The following ZNF624 variants were observed in gnomAD, a reference collection of about 807,000 sequenced individuals.
ZNF624 encodes the protein zinc finger protein 624.
A neutral mutation model predicts 74.7 loss-of-function variants in ZNF624; 43 were observed. The observed-to-expected ratio is 0.58, with a 90% CI of 0.45 to 0.74. ZNF624 has a LOEUF of 0.74. ZNF624 is among the 30% of genes least tolerant of loss of function. ZNF624 has a pLI of 0.00. For missense variants in ZNF624, 820 were observed against 1,030.0 expected, an observed-to-expected ratio of 0.80 and a Z score of 2.79; for synonymous variants, 331 against 341.3, an observed-to-expected ratio of 0.97 and a Z score of 0.33.
the ZNF624 span, among the ~76,000 whole-genome samples, chr17:16,615,252 C>A: frequency 6.6e-6 from 1 of 152,162 alleles, no homozygotes; most frequent in African/African-American, 2.4e-5. Context: ...CGCCCACCAC[C>A]ACGCCCGGCT....
At chr17:16,615,255 G>A in the ZNF624 span, among the ~76,000 whole-genome samples, 1 of 152,054 alleles carries the variant, frequency 6.6e-6, no homozygotes, top group African/African-American at 2.4e-5. Context: ...CCACCACCAC[G>A]CCCGGCTAAT....
In ZNF624 at chr17:16,626,662, G is replaced by A. The variant is rs1597491671; in HGVS notation, c.377-2153C>T. 2.0e-5 allele frequency among the ~76,000 whole-genome samples: 3 copies of A among 152,156 alleles called. No homozygotes were observed. The East Asian group carries it at 5.8e-4, about 29-fold the overall frequency. ...AAATACTTGGAAGGCTGAAGCTGGAGGATCCCCTGAGCCCAGGAAGTTGAG... is the reference window on the plus strand; with the variant it reads ...AAATACTTGGAAGGCTGAAGCTGGAAGATCCCCTGAGCCCAGGAAGTTGAG... On this transcript the variant is annotated intron_variant, in intron 5 of 5. Transcript: ENST00000311331.
chr17:16,647,102 T>C (rs1443173080), intron 3 of ZNF624, among the ~76,000 whole-genome samples: 3 of 152,180 alleles, frequency 2.0e-5, no homozygotes, highest in Non-Finnish European at 2.9e-5. Flanking sequence ...GACTACGTAA[T>C]GATAGGATAT....
rs1409283421 is a variant in ZNF624, at chr17:16,623,139, G to A, written c.1747C>T (p.Pro583Ser). ...TCCCCACATTCATTGCACAGATAAG[G>A]TTTCTCTTCAGTATGAATACGCTGA... ...IHQRIHTEEK[P>S]YLCNECGESF... is the part of the protein sequence containing the mutation. Residue 583 changes from proline to serine, a missense_variant, in exon 6 of 6, where the codon CCT becomes TCT. Pro to Ser is a moderately conservative substitution (Grantham distance 74, BLOSUM62 -1). Transcript: ENST00000311331. The surrounding 1 kb of genome is among the most constrained non-coding windows in gnomAD (Gnocchi z 5.3). The A allele has an allele frequency of 1.2e-6, 2 of 1,613,764 alleles. No individual in the cohort carries two copies. The highest frequency in any genetic ancestry group is 1.7e-6 in the Non-Finnish European group (2 of 1,179,952).
chr17:16,634,641 A>G lies in ZNF624; in HGVS notation c.269T>C (p.Leu90Pro), dbSNP rs1465521097. Residue 90 changes from leucine (L) to proline (P), a missense_variant, in exon 4 of 6, where the codon CTG (leucine) becomes CCG (proline). Transcript: ENST00000311331. ...KDVMLENYRN[L>P]VSLGLAVSKP... The stretch of plus-strand genomic sequence containing the variant: ...GAAGTTATCCTTACCCAGGGAGACC[A>G]GATTCCTGTAATTCTCTAGCATCAC... The G allele has an allele frequency of 1.2e-6, 2 of 1,613,174 alleles. No individual in the cohort carries two copies. The highest frequency in any genetic ancestry group is 1.3e-5 in the African/African-American group (1 of 74,928).
intron 5 of ZNF624, among the ~76,000 whole-genome samples, chr17:16,627,424 C>T (rs1193623424): frequency 1.3e-5 from 2 of 152,070 alleles, no homozygotes; most frequent in Admixed American, 1.3e-4. Flanking sequence ...TCATTTGGAC[C>T]AACTTTATTG....
chr17:16,639,904 A>G (rs2142627972), intron 3 of ZNF624, among the ~76,000 whole-genome samples: 1 of 152,338 alleles, frequency 6.6e-6, no homozygotes, highest in East Asian at 1.9e-4. Context: ...TAAGACACAC[A>G]AAGAAACACG....
chr17:16,650,449 G>A (rs1275498482), intron 1 of ZNF624, among the ~76,000 whole-genome samples: 1 of 131,214 alleles, frequency 7.6e-6, no homozygotes, highest in Non-Finnish European at 1.5e-5. Flanking sequence ...GAAGAGACAT[G>A]AAATTCAGTG....
chr17:16,633,787 A>T, intron 5 of ZNF624, 75 bp downstream of exon 5: 1 of 1,150,404 alleles, frequency 8.7e-7, no homozygotes, highest in Non-Finnish European at 1.3e-6. Flanking sequence ...AAATTATTTC[A>T]GATGTTCTGG....
At position 16,624,459 on chromosome 17, in the gene ZNF624, A is replaced by G. The variant is rs769020477; in HGVS notation, c.427T>C (p.Ser143Pro). ...ATGGCCTCCTGTGATAAATCTTCAG[A>G]AATAGCCTTTGTTCGTGTAGCCTTC... Reference protein sequence around the residue: ...TKKATRTKAISEDLSQEAILE... With the variant: ...TKKATRTKAIPEDLSQEAILE... Residue 143 changes from serine (S) to proline (P), a missense_variant, in exon 6 of 6, where the codon TCT becomes CCT. Transcript: ENST00000311331. The G allele has an allele frequency of 4.4e-6, 7 of 1,597,332 alleles. No individual in the cohort carries two copies. The highest frequency in any genetic ancestry group is 6.0e-6 in the Non-Finnish European group (7 of 1,175,310).
At chr17:16,629,553 A>T (rs1200992320) in intron 5 of ZNF624, among the ~76,000 whole-genome samples, 1 of 151,706 alleles carries the variant, frequency 6.6e-6, no homozygotes, top group East Asian at 1.9e-4. Context: ...ATTTATTTTT[A>T]TTTATTTATT....
At chr17:16,650,342 C>T (rs1345952404) in intron 1 of ZNF624, among the ~76,000 whole-genome samples, 1 of 151,766 alleles carries the variant, frequency 6.6e-6, no homozygotes, top group Non-Finnish European at 1.5e-5. Flanking sequence ...ATTTACCCCT[C>T]CGAATCTGAT....
At chr17:16,615,950 C>CATATACAT (rs1908781793), downstream of ZNF624, among the ~76,000 whole-genome samples, 1 of 74,552 alleles carries the variant, frequency 1.3e-5, no homozygotes, top group Non-Finnish European at 2.6e-5. Context: ...AAATCTATTC[C>CATATACAT]ATATACATAT....
chr17:16,645,945 CAAA>C (rs35486112), intron 3 of ZNF624, among the ~76,000 whole-genome samples: 2 of 56,064 alleles, frequency 3.6e-5, no homozygotes. Context: ...GACTCCATCT[CAAA>C]AAAAAAAAAA....
downstream of ZNF624, among the ~76,000 whole-genome samples, chr17:16,620,127 G>A (rs1476318129): frequency 2.6e-5 from 4 of 152,182 alleles, no homozygotes; most frequent in African/African-American, 9.7e-5. Context: ...CATCGTGAAA[G>A]GGTATTTGAT....
intron 1 of ZNF624, among the ~76,000 whole-genome samples, chr17:16,650,012 A>G (rs1321281411): frequency 2.0e-5 from 3 of 152,176 alleles, no homozygotes; most frequent in African/African-American, 4.8e-5. Flanking sequence ...CCTAGTAGGA[A>G]TAATATTCCC....
chr17:16,630,165 T>C (rs1909172127), intron 5 of ZNF624, among the ~76,000 whole-genome samples: 1 of 152,134 alleles, frequency 6.6e-6, no homozygotes, highest in African/African-American at 2.4e-5. Context: ...AATGATACCT[T>C]TGAAATGTTG....
At position 16,640,842 on chromosome 17, in the gene ZNF624, A is replaced by G. The variant is rs141865058; in HGVS notation, c.154-6086T>C. Among the ~76,000 whole-genome samples, 4 of 152,338 alleles carry G rather than the reference A, an allele frequency of 2.6e-5. No individual in the cohort carries two copies. In the East Asian group the frequency reaches 7.7e-4, roughly 29 times the overall value. On this transcript the variant is annotated intron_variant, in intron 3 of 5. Coordinates refer to ENST00000311331, the MANE Select transcript of ZNF624 (RefSeq NM_020787.4). ...AACTCTTCCAAAAAATGGAAGGGAA[A>G]AATTCCAAACCCACTTTATGAGACC...
chr17:16,650,476 A>G (rs1315747684), intron 1 of ZNF624, among the ~76,000 whole-genome samples: 1 of 151,800 alleles, frequency 6.6e-6, no homozygotes, highest in African/African-American at 2.4e-5. Flanking sequence ...GCATTAAGCT[A>G]TAGTCTTTTT....
Sources: gnomAD v4.1 joint callset for allele counts (sites outside exome capture counted in the v4.1 genomes callset) on GRCh38, gnomAD v4.1.1 for gene constraint, Gnocchi (gnomAD v3.1) non-coding constraint, MANE v1.5 for transcripts, NCBI Gene and HGNC (gene_info 2026-07-23, HGNC 2026-07-21) for gene names.